Variants in C1QL1 observed in about 807,000 individuals in gnomAD.
C1QL1 encodes C1q-related factor.
Under a neutral mutation model 14.2 loss-of-function variants are expected in C1QL1, and 15 were observed. That is an observed-to-expected ratio of 1.06 (90% CI 0.71 to 1.62). The LOEUF is 1.62. Among genes scored for constraint, C1QL1 ranks in the 40% most tolerant of loss-of-function variants. The probability of loss-of-function intolerance (pLI) is 0.00; values close to 1 mark genes in which losing one functional copy is unlikely to be tolerated. For synonymous variants in C1QL1, 172 were observed against 172.4 expected (o/e 1.00, Z 0.02); for missense variants, 346 against 380.3 (o/e 0.91, Z 0.75).
At chr17:44,964,633 T>C (rs2052646807) in intron 1 of C1QL1, among the ~76,000 whole-genome samples, 1 of 152,196 alleles carries the variant, frequency 6.6e-6, no homozygotes, top group African/African-American at 2.4e-5. Flanking sequence ...GCATAGGCCA[T>C]GAGGTCTTGG....
At chr17:44,966,935 C>T (rs2052660298) in intron 1 of C1QL1, among the ~76,000 whole-genome samples, 2 of 152,238 alleles carry the variant, frequency 1.3e-5, no homozygotes, top group Admixed American at 6.5e-5. Flanking sequence ...GGCACTGCAG[C>T]CAGGGCTGTA....
chr17:44,964,536 G>A (rs2052646251), intron 1 of C1QL1, among the ~76,000 whole-genome samples: 2 of 152,166 alleles, frequency 1.3e-5, no homozygotes, highest in Non-Finnish European at 1.5e-5. Flanking sequence ...ACACATTTGG[G>A]GACCAAAGTC....
rs779479035 is a variant in C1QL1, at chr17:44,967,442, C to T, written c.597+10G>A. On this transcript the variant is annotated intron_variant, in intron 1 of 1. Coordinates refer to ENST00000253407, the MANE Select transcript of C1QL1 (RefSeq NM_006688.5). This position sits in a 1 kb window ranked among gnomAD's most constrained non-coding sequence, Gnocchi z 7.0. ...GGCCCAGCCCAGCCCCATGCCCCCG[C>T]CTGGCCCACCTGGCCATTCTTGCAG... The T allele has an allele frequency of 1.2e-6, 2 of 1,612,212 alleles. No individual in the cohort carries two copies. The highest frequency in any genetic ancestry group is 2.2e-5 in the South Asian group (2 of 90,940).
chr17:44,960,087 G>T lies in C1QL1; in HGVS notation c.*101C>A. On this transcript the variant is annotated 3_prime_UTR_variant, in exon 2 of 2. Coordinates refer to ENST00000253407, the MANE Select transcript of C1QL1 (RefSeq NM_006688.5). ...GCCGGGGGCGTCATAGCCGGGGAGG[G>T]CCGGGCAGCGAGCGGGTGGGCGAGG... is the stretch of plus-strand genomic sequence containing the variant. The T allele has an allele frequency of 2.8e-6, 3 of 1,081,920 alleles. No homozygotes were observed. The highest frequency in any genetic ancestry group is 1.4e-5 in the South Asian group (1 of 71,554). 67.0% of individuals were successfully genotyped at this position (1,081,920 alleles called of 1,614,324 possible).
chr17:44,962,808 C>A (rs1359452982), intron 1 of C1QL1, among the ~76,000 whole-genome samples: 1 of 152,204 alleles, frequency 6.6e-6, no homozygotes, highest in Non-Finnish European at 1.5e-5. Context: ...GGAACAGAGT[C>A]ATCTGTCATC....
intron 1 of C1QL1, among the ~76,000 whole-genome samples, chr17:44,962,441 G>T (rs1163623574): frequency 6.6e-6 from 1 of 152,216 alleles, no homozygotes; most frequent in Non-Finnish European, 1.5e-5. Flanking sequence ...TCTAGTTAAA[G>T]GTGGGAGGGA....
Position 44,967,588 on chromosome 17 carries a change from T to C in C1QL1, c.461A>G (p.Asn154Ser). Residue 154 changes from asparagine to serine, a missense_variant, in exon 1 of 2, where the codon AAC (asparagine) becomes AGC (serine). By Grantham distance (46) the Asn-to-Ser change is conservative. Transcript: ENST00000253407. This position sits in a 1 kb window ranked among gnomAD's most constrained non-coding sequence, Gnocchi z 7.0. ...EVLKFDDVVT[N>S]LGNNYDAASG... ...GGCCGCGTCGTAGTTGTTGCCTAGG[T>C]TGGTGACCACGTCGTCAAACTTGAG... 6.2e-7 allele frequency: 1 copy of C among 1,614,056 alleles called. No individual in the cohort carries two copies. Among genetic ancestry groups the C allele is most frequent in the Non-Finnish European group, 8.5e-7 (1 of 1,179,926 alleles).
intron 1 of C1QL1, among the ~76,000 whole-genome samples, chr17:44,966,860 C>T (rs894812922): frequency 1.3e-5 from 2 of 151,090 alleles, no homozygotes; most frequent in African/African-American, 4.9e-5. Flanking sequence ...GAAACAGCTC[C>T]CCAACTCCCG....
Position 44,967,444 on chromosome 17 carries a change from T to TGG in C1QL1, c.597+6_597+7dup. ...CCCAGCCCAGCCCCATGCCCCCGCCTGGCCCACCTGGCCATTCTTGCAGAG... is the reference window on the plus strand; with the variant it reads ...CCCAGCCCAGCCCCATGCCCCCGCCTGGGGCCCACCTGGCCATTCTTGCAGAG... On this transcript the variant is annotated splice_region_variant and intron_variant, in intron 1 of 1. Transcript: ENST00000253407. The surrounding 1 kb of genome is among the most constrained non-coding windows in gnomAD (Gnocchi z 7.0). 6.2e-7 allele frequency: 1 copy of TGG among 1,612,502 alleles called. No individual in the cohort carries two copies. The highest frequency in any genetic ancestry group is 8.5e-7 in the Non-Finnish European group (1 of 1,179,438).
intron 1 of C1QL1, among the ~76,000 whole-genome samples, chr17:44,964,100 CT>C (rs1328476295): frequency 6.6e-6 from 1 of 152,164 alleles, no homozygotes; most frequent in Non-Finnish European, 1.5e-5. Context: ...GCCAGTGGGC[CT>C]CAGATAAGGA....
At chr17:44,964,688 T>C (rs2052647239) in intron 1 of C1QL1, among the ~76,000 whole-genome samples, 1 of 152,196 alleles carries the variant, frequency 6.6e-6, no homozygotes, top group Non-Finnish European at 1.5e-5. Context: ...ATCTGGCTCC[T>C]AGTAGGGGCT....
intron 1 of C1QL1, among the ~76,000 whole-genome samples, chr17:44,963,436 T>G (rs1296561595): frequency 1.3e-5 from 2 of 152,120 alleles, no homozygotes; most frequent in Non-Finnish European, 2.9e-5. Flanking sequence ...TCTTTTTTCT[T>G]TTTTGAGACA....
At chr17:44,960,620 C>A (rs1169815415) in intron 1 of C1QL1, among the ~76,000 whole-genome samples, 1 of 152,160 alleles carries the variant, frequency 6.6e-6, no homozygotes, top group Non-Finnish European at 1.5e-5. Flanking sequence ...AAGGCAGAGT[C>A]TTCCTCCTTA....
chr17:44,964,443 A>C (rs1259542567), intron 1 of C1QL1, among the ~76,000 whole-genome samples: 2 of 152,162 alleles, frequency 1.3e-5, no homozygotes, highest in Non-Finnish European at 2.9e-5. Flanking sequence ...CTCACTTTGC[A>C]GACCAAGGTT....
rs556082554 is a variant in C1QL1 at position 44,963,977 on chromosome 17, C to T, written c.597+3475G>A. Among the ~76,000 whole-genome samples, 39 of 152,346 alleles carry T rather than the reference C, an allele frequency of 2.6e-4. No individual in the cohort carries two copies. In the South Asian group the frequency reaches 4.8e-3, roughly 19 times the overall value. ...GGAGGCAGCTGCAGGCAACTCACCA[C>T]ACCCAGGGCCCCACTGCCAACCCAG... On this transcript the variant is annotated intron_variant, in intron 1 of 1. Coordinates refer to ENST00000253407, the MANE Select transcript of C1QL1 (RefSeq NM_006688.5).
chr17:44,961,452 G>C (rs2052626466), intron 1 of C1QL1, among the ~76,000 whole-genome samples: 1 of 152,068 alleles, frequency 6.6e-6, no homozygotes, highest in Admixed American at 6.6e-5. Context: ...AAATTAGCTA[G>C]GCATAGTGGC....
At chr17:44,964,624 C>T (rs1168739413) in intron 1 of C1QL1, among the ~76,000 whole-genome samples, 2 of 152,212 alleles carry the variant, frequency 1.3e-5, no homozygotes, top group Admixed American at 6.5e-5. Flanking sequence ...GTTCCCCCTG[C>T]ATAGGCCATG....
At chr17:44,964,446 C>A (rs1424385319) in intron 1 of C1QL1, among the ~76,000 whole-genome samples, 1 of 152,194 alleles carries the variant, frequency 6.6e-6, no homozygotes, top group Non-Finnish European at 1.5e-5. Flanking sequence ...ACTTTGCAGA[C>A]CAAGGTTCAC....
Position 44,968,084 on chromosome 17 carries a change from G to C in C1QL1, c.-36C>G, listed in dbSNP as rs1366469828. The C allele has an allele frequency of 8.0e-7, 1 of 1,249,796 alleles. No individual in the cohort carries two copies. Among genetic ancestry groups the C allele is most frequent in the Admixed American group, 3.3e-5 (1 of 30,318 alleles). 77.4% of individuals were successfully genotyped at this position (1,249,796 alleles called of 1,614,324 possible). ...GCGGCGGCCGCTAGCAGCGTCTTTC[G>C]GCCCGCGCGGAGCCTGGGGAGCGCC... is the stretch of plus-strand genomic sequence containing the variant. On this transcript the variant is annotated 5_prime_UTR_variant, in exon 1 of 2. Transcript: ENST00000253407.
Sources: allele counts gnomAD v4.1 joint callset (sites outside exome capture counted in the v4.1 genomes callset), GRCh38; gene constraint gnomAD v4.1.1; non-coding constraint Gnocchi (gnomAD v3.1); transcripts MANE v1.5; gene names NCBI Gene and HGNC (gene_info 2026-07-23, HGNC 2026-07-21).